ADAMTSL1: variants seen among roughly 807,000 people sequenced by gnomAD.
ADAMTSL1 encodes the protein ADAMTS-like protein 1.
In ADAMTSL1, 126 loss-of-function variants were observed where a neutral mutation model predicts 201.8. That is an observed-to-expected ratio of 0.62 (90% CI 0.54 to 0.72). ADAMTSL1 has a LOEUF of 0.72. Among genes scored for constraint, ADAMTSL1 ranks in the 30% least tolerant of loss-of-function variants. The pLI is 0.00. For missense variants in ADAMTSL1, 2,679 were observed against 2,277.8 expected, an observed-to-expected ratio of 1.18 and a Z score of -3.59; for synonymous variants, 1,121 against 903.4, an observed-to-expected ratio of 1.24 and a Z score of -4.32.
At chr9:18,299,448 C>T (rs960616) in intron 2 of ADAMTSL1, among the ~76,000 whole-genome samples, 20,106 of 152,100 alleles carry the variant, frequency 0.13, 1,425 homozygotes, top group East Asian at 0.2. Flanking sequence ...AGATACTGAC[C>T]AGATAAAGGC....
In ADAMTSL1 at chr9:18,682,146, A is replaced by T. The variant is rs573361366; in HGVS notation, c.1489+187A>T. ...CAAGTGATTTTGATTGCAAAATTTC[A>T]TTAACCACTACATGTAGAAATATAT... On this transcript the variant is annotated intron_variant, in intron 12 of 28. Coordinates refer to ENST00000380548, the MANE Select transcript of ADAMTSL1 (RefSeq NM_001040272.6). Among the ~76,000 whole-genome samples the T allele has an allele frequency of 1.3e-5, 2 of 152,354 alleles. 1 individual carries two copies. The highest frequency in any genetic ancestry group is 4.1e-4 in the South Asian group (2 of 4,824).
At chr9:18,079,018 T>C (rs1475743924) in intron 1 of ADAMTSL1, among the ~76,000 whole-genome samples, 1 of 152,152 alleles carries the variant, frequency 6.6e-6, no homozygotes, top group East Asian at 1.9e-4. Flanking sequence ...TCAGAACCTG[T>C]ATCTGTGGAA....
In ADAMTSL1 at chr9:18,051,206, C is replaced by T. The variant is rs551688993; in HGVS notation, c.88-112656C>T. ...GCCCCAGCTACTTGGGAGGCTGAGG[C>T]GGGAGAATGGCGTGAACCCAGGAGG... On this transcript the variant is annotated intron_variant, in intron 1 of 29. Coordinates refer to the ADAMTSL1 transcript ENST00000680146. Among the ~76,000 whole-genome samples the T allele has an allele frequency of 2.1e-4, 32 of 151,984 alleles. 1 individual carries two copies. The highest frequency in any genetic ancestry group is 2.1e-3 in the South Asian group (10 of 4,812).
intron 1 of ADAMTSL1, among the ~76,000 whole-genome samples, chr9:18,061,938 A>C (rs10810895): frequency 6.6e-6 from 1 of 152,014 alleles, no homozygotes; most frequent in Non-Finnish European, 1.5e-5. Context: ...CTGAAGATCA[A>C]CAAAAGACCA....
intron 2 of ADAMTSL1, among the ~76,000 whole-genome samples, chr9:18,386,555 C>T (rs1837800550): frequency 6.6e-6 from 1 of 152,092 alleles, no homozygotes; most frequent in Non-Finnish European, 1.5e-5. Flanking sequence ...TCTCTTTTCC[C>T]TTTTGATTTT....
At chr9:18,389,266 A>G (rs1035976321) in intron 2 of ADAMTSL1, among the ~76,000 whole-genome samples, 5 of 151,950 alleles carry the variant, frequency 3.3e-5, no homozygotes, top group African/African-American at 1.2e-4. Flanking sequence ...AAGAATATAT[A>G]TATTGGCCAT....
chr9:17,962,878 G>T (rs181471806), intron 1 of ADAMTSL1, among the ~76,000 whole-genome samples: 60 of 152,322 alleles, frequency 3.9e-4, no homozygotes, highest in Admixed American at 1.2e-3. Context: ...ACATGGCCTT[G>T]TTGCCAAGTT....
intron 2 of ADAMTSL1, among the ~76,000 whole-genome samples, chr9:18,173,314 C>G (rs1311478394): frequency 6.6e-6 from 1 of 152,044 alleles, no homozygotes; most frequent in South Asian, 2.1e-4. Flanking sequence ...TTTTGCCTCA[C>G]AATATAATTA....
intron 3 of ADAMTSL1, among the ~76,000 whole-genome samples, chr9:18,555,445 TCA>T (rs1821047292): frequency 6.6e-6 from 1 of 152,006 alleles, no homozygotes; most frequent in East Asian, 1.9e-4. Flanking sequence ...AGAAGCTTTC[TCA>T]GAGTTTCTAG....
chr9:18,287,621 A>G (rs202242245), intron 2 of ADAMTSL1, among the ~76,000 whole-genome samples: 3 of 21,004 alleles, frequency 1.4e-4, no homozygotes. Flanking sequence ...ATGTATGTGT[A>G]TACATATACG....
intron 1 of ADAMTSL1, among the ~76,000 whole-genome samples, chr9:18,044,083 C>A (rs961894332): frequency 6.7e-6 from 1 of 150,056 alleles, no homozygotes; most frequent in Non-Finnish European, 1.5e-5. Flanking sequence ...TTTTTGAGCA[C>A]CTGCTATGTG....
chr9:18,843,129 T>C (rs1250673077), intron 23 of ADAMTSL1, among the ~76,000 whole-genome samples: 1 of 150,930 alleles, frequency 6.6e-6, no homozygotes, highest in African/African-American at 2.5e-5. Context: ...CTTCCTAGCC[T>C]CAATGGTCTT....
intron 15 of ADAMTSL1, among the ~76,000 whole-genome samples, chr9:18,736,103 C>A (rs1818488369): frequency 6.6e-6 from 1 of 152,012 alleles, no homozygotes; most frequent in Admixed American, 6.5e-5. Flanking sequence ...TGATGTAAAG[C>A]CACCAAAACT....
intron 23 of ADAMTSL1, among the ~76,000 whole-genome samples, chr9:18,843,434 G>T (rs1338740504): frequency 6.6e-6 from 1 of 150,876 alleles, no homozygotes; most frequent in African/African-American, 2.5e-5. Context: ...CCCTTTGTGG[G>T]TAACCCGACC....
chr9:18,751,235 T>C (rs1331322748), intron 15 of ADAMTSL1, among the ~76,000 whole-genome samples: 1 of 152,184 alleles, frequency 6.6e-6, no homozygotes. Context: ...TACACAAGGA[T>C]CTAAAAGAAA....
intron 5 of ADAMTSL1, among the ~76,000 whole-genome samples, chr9:18,633,358 G>A (rs942721971): frequency 5.9e-5 from 9 of 152,054 alleles, no homozygotes; most frequent in South Asian, 2.1e-4. Context: ...TTGGGAGGCC[G>A]AGGTGGGTGG....
At chr9:18,524,127 G>A (rs1184401917) in intron 2 of ADAMTSL1, among the ~76,000 whole-genome samples, 3 of 151,846 alleles carry the variant, frequency 2.0e-5, no homozygotes, top group South Asian at 4.2e-4. Context: ...TCGAGCAGTG[G>A]TTTATAGTTC....
chr9:18,074,549 C>CTTT (rs1823122622), intron 1 of ADAMTSL1, among the ~76,000 whole-genome samples: 1 of 100,606 alleles, frequency 9.9e-6, no homozygotes. Context: ...CTCTTCTTTT[C>CTTT]TCTTCTCTTT....
intron 2 of ADAMTSL1, among the ~76,000 whole-genome samples, chr9:18,285,329 A>G (rs544056495): frequency 2.0e-5 from 3 of 152,210 alleles, no homozygotes; most frequent in Admixed American, 1.3e-4. Context: ...TAATTCTTAT[A>G]TGACCCTCTG....
Sources: gnomAD v4.1 joint callset for allele counts (sites outside exome capture counted in the v4.1 genomes callset) on GRCh38, gnomAD v4.1.1 for gene constraint, MANE v1.5 for transcripts, NCBI Gene and HGNC (gene_info 2026-07-23, HGNC 2026-07-21) for gene names.